Variants in ACAD11 observed in about 807,000 individuals in gnomAD.
ACAD11 encodes acyl-Coenzyme A dehydrogenase family, member 11.
ACAD11 carries 83 observed loss-of-function variants against 102.2 expected under a neutral mutation model. The observed-to-expected ratio is 0.81, with a 90% confidence interval of 0.68 to 0.97. The LOEUF is 0.97. ACAD11 is among the 50% of genes least tolerant of loss of function. The pLI is 0.00. For synonymous variants in ACAD11, 324 were observed against 319.8 expected, an observed-to-expected ratio of 1.01 and a Z score of -0.14; for missense variants, 901 against 951.7, an observed-to-expected ratio of 0.95 and a Z score of 0.70.
chr3:132,571,270 T>C (rs1937366706), intron 17 of ACAD11, among the ~76,000 whole-genome samples: 1 of 152,160 alleles, frequency 6.6e-6, no homozygotes, highest in Non-Finnish European at 1.5e-5. Flanking sequence ...TTAGCTTTTT[T>C]TCACATGCCT....
chr3:132,587,905 G>T (rs1485368586), intron 13 of ACAD11, among the ~76,000 whole-genome samples: 2 of 152,148 alleles, frequency 1.3e-5, no homozygotes, highest in Non-Finnish European at 2.9e-5. Context: ...CCCAAGCAAA[G>T]TTTCCACATG....
intron 11 of ACAD11, among the ~76,000 whole-genome samples, chr3:132,614,610 CT>C (rs1459682597): frequency 1.3e-5 from 2 of 152,180 alleles, no homozygotes; most frequent in African/African-American, 4.8e-5. Flanking sequence ...GTTGGGAAAA[CT>C]GGCTAGCCAT....
At chr3:132,588,525 C>A (rs1296299006) in intron 13 of ACAD11, among the ~76,000 whole-genome samples, 1 of 152,106 alleles carries the variant, frequency 6.6e-6, no homozygotes, top group Non-Finnish European at 1.5e-5. Flanking sequence ...TCTAAAATTT[C>A]AAAACCAATA....
chr3:132,650,821 C>T (rs1348265130), intron 1 of ACAD11, among the ~76,000 whole-genome samples: 1 of 152,128 alleles, frequency 6.6e-6, no homozygotes, highest in Non-Finnish European at 1.5e-5. Context: ...CTTTATCCCT[C>T]TTTATATCAT....
intron 17 of ACAD11, chr3:132,561,449 T>C: frequency 2.0e-6 from 1 of 489,980 alleles, no homozygotes; most frequent in South Asian, 1.8e-5. Flanking sequence ...AAAGAAATTT[T>C]ATTTTCCCAG....
In ACAD11 at chr3:132,606,818, C is replaced by T. The variant is rs368420615; in HGVS notation, c.1415-1613G>A. Among the ~76,000 whole-genome samples the T allele has an allele frequency of 7.3e-4, 111 of 152,336 alleles. 1 individual carries two copies. The highest frequency in any genetic ancestry group is 2.5e-3 in the African/African-American group (106 of 41,582). On this transcript the variant is annotated intron_variant, in intron 11 of 19. Transcript: ENST00000264990. ...TGCCTCCTCAAGTGGGTCCCTGACC[C>T]CCGTGCCTTCTGACAGGGAGACACC... is the stretch of plus-strand genomic sequence containing the variant.
intron 13 of ACAD11, chr3:132,601,332 A>C (rs755532244): frequency 6.2e-7 from 1 of 1,613,126 alleles, no homozygotes; most frequent in Non-Finnish European, 8.5e-7. Flanking sequence ...TCTTTCAAAA[A>C]CTACGTTATG....
chr3:132,594,856 G>A (rs1267298275), intron 13 of ACAD11, among the ~76,000 whole-genome samples: 1 of 152,178 alleles, frequency 6.6e-6, no homozygotes, highest in Non-Finnish European at 1.5e-5. Flanking sequence ...TTGCAGACCA[G>A]TTGTTAGATA....
rs376625472 is a variant in ACAD11, at chr3:132,605,174, A to G, written c.1446T>C (p.Tyr482=). The change falls in exon 12 of 20, where the codon TAT becomes TAC. Residue 482 remains tyrosine (Y), a synonymous_variant. Transcript: ENST00000264990. ...ACTGTTTCTTCTGTTCCTCACTTCC[A>G]TACAGGTGCAGAACCTCCATATTCC... The part of the protein sequence containing the change: ...DTGNMEVLHL[Y]GSEEQKKQWL... 150 of 1,613,476 alleles carry G rather than the reference A, an allele frequency of 9.3e-5. 1 individual carries two copies. In the South Asian group the frequency reaches 1.6e-3, roughly 17 times the overall value.
intron 5 of ACAD11, among the ~76,000 whole-genome samples, chr3:132,632,517 CT>C (rs1940090590): frequency 6.6e-6 from 1 of 152,130 alleles, no homozygotes; most frequent in Non-Finnish European, 1.5e-5. Flanking sequence ...AGCATGATGC[CT>C]CCAGCTTTGT....
At chr3:132,621,502 A>G (rs1215944356) in intron 9 of ACAD11, among the ~76,000 whole-genome samples, 1 of 152,188 alleles carries the variant, frequency 6.6e-6, no homozygotes, top group Non-Finnish European at 1.5e-5. Flanking sequence ...AGGTATTAAC[A>G]ATAAGTAAAG....
At chr3:132,602,263 T>C (rs1175625258) in intron 13 of ACAD11, 3 of 166,960 alleles carry the variant, frequency 1.8e-5, no homozygotes, top group African/African-American at 7.2e-5. Flanking sequence ...CCTAAAGACA[T>C]AATTTGCTTC....
intron 11 of ACAD11, among the ~76,000 whole-genome samples, chr3:132,606,415 A>G (rs749075400): frequency 2.6e-5 from 4 of 152,222 alleles, no homozygotes; most frequent in African/African-American, 7.2e-5. Context: ...GTTACTTGTT[A>G]TAGTACAAAT....
At chr3:132,585,480 C>G (rs1389071621) in intron 13 of ACAD11, among the ~76,000 whole-genome samples, 1 of 152,112 alleles carries the variant, frequency 6.6e-6, no homozygotes, top group Non-Finnish European at 1.5e-5. Context: ...CAACAAAAGA[C>G]AAAATTGACT....
intron 13 of ACAD11, among the ~76,000 whole-genome samples, chr3:132,593,482 G>A (rs1938168001): frequency 6.6e-6 from 1 of 152,154 alleles, no homozygotes; most frequent in African/African-American, 2.4e-5. Flanking sequence ...TAGGTAAGGG[G>A]TGCTGAATTT....
intron 13 of ACAD11, among the ~76,000 whole-genome samples, chr3:132,598,312 C>T (rs1938405904): frequency 6.6e-6 from 1 of 152,198 alleles, no homozygotes; most frequent in Admixed American, 6.5e-5. Flanking sequence ...TAGTAGCCAA[C>T]ATAGTGCAAT....
At position 132,578,820 on chromosome 3, in the gene ACAD11, G is replaced by T. The variant is rs1307693177; in HGVS notation, c.1750C>A (p.Pro584Thr). 6.2e-7 allele frequency: 1 copy of T among 1,612,862 alleles called. No homozygotes were observed. The highest frequency in any genetic ancestry group is 8.5e-7 in the Non-Finnish European group (1 of 1,179,434). Reference sequence around the variant, plus strand: ...CCTGTGTAGCCAAAAACTGACAAAGGCCTTATTATTTTTACTCCAGGTGTG... The same window carrying T: ...CCTGTGTAGCCAAAAACTGACAAAGTCCTTATTATTTTTACTCCAGGTGTG... The part of the protein sequence containing the change: ...MNTPGVKIIR[P>T]LSVFGYTDNF... Residue 584 changes from proline to threonine, a missense_variant, in exon 15 of 20, where the codon CCT becomes ACT. By Grantham distance (38) the Pro-to-Thr change is conservative (BLOSUM62 -1). Transcript: ENST00000264990.
chr3:132,610,480 A>G (rs1358438733), intron 11 of ACAD11, among the ~76,000 whole-genome samples: 1 of 152,150 alleles, frequency 6.6e-6, no homozygotes, highest in Non-Finnish European at 1.5e-5. Flanking sequence ...CGCTAGCAAG[A>G]TTAATAAAGA....
chr3:132,652,103 G>T (rs1940950524), intron 1 of ACAD11, among the ~76,000 whole-genome samples: 1 of 152,262 alleles, frequency 6.6e-6, no homozygotes, highest in Admixed American at 6.5e-5. Context: ...TTGAATTGTA[G>T]CTCCCATAAT....
Sources: gnomAD v4.1 joint callset for allele counts (sites outside exome capture counted in the v4.1 genomes callset) on GRCh38, gnomAD v4.1.1 for gene constraint, MANE v1.5 for transcripts, NCBI Gene and HGNC (gene_info 2026-07-23, HGNC 2026-07-21) for gene names.